Variants in NT5C1B observed in about 807,000 individuals in gnomAD.
NT5C1B encodes cytosolic 5'-nucleotidase 1B.
A neutral mutation model predicts 57.8 loss-of-function variants in NT5C1B; 44 were observed. The ratio of observed to expected loss-of-function variants is 0.76; its 90% confidence interval spans 0.60 to 0.98. The LOEUF is 0.98. NT5C1B is among the 50% of genes least tolerant of loss of function. The pLI, the probability that NT5C1B is intolerant of heterozygous loss-of-function variation, is 0.00. For synonymous variants in NT5C1B, 284 were observed against 282.6 expected (o/e 1.00, Z -0.05); for missense variants, 742 against 719.5 (o/e 1.03, Z -0.36).
chr2:18,584,470 C>CA lies in NT5C1B; in HGVS notation c.723+43dup. The CA allele has an allele frequency of 6.3e-7, 1 of 1,582,800 alleles. No homozygotes were observed. Among genetic ancestry groups the CA allele is most frequent in the Admixed American group, 1.8e-5 (1 of 56,142 alleles). ...AGAGGAGGGCGGCTGGAAGAGGCTG[C>CA]AAGGAAGGGCGCCCCGGCTGCCAGG... On this transcript the variant is annotated intron_variant, in intron 4 of 8. Coordinates refer to ENST00000304081, the Ensembl canonical transcript of NT5C1B. This position sits in a 1 kb window ranked among gnomAD's most constrained non-coding sequence, Gnocchi z 5.8.
At chr2:18,568,033 G>A (rs1219336933) in intron 8 of NT5C1B, among the ~76,000 whole-genome samples, 1 of 150,584 alleles carries the variant, frequency 6.6e-6, no homozygotes, top group African/African-American at 2.4e-5. Flanking sequence ...AAACTGAAAA[G>A]AGAAAGAGAA....
chr2:18,587,415 T>C (rs1270369212), intron 2 of NT5C1B, 88 bp downstream of exon 2: 2 of 1,567,620 alleles, frequency 1.3e-6, no homozygotes, highest in Non-Finnish European at 1.7e-6. Flanking sequence ...AGCTTGGTCT[T>C]CTCTCCCAGA....
intron 6 of NT5C1B, 59 bp downstream of exon 6, chr2:18,582,809 A>G (rs1282442081): frequency 5.1e-6 from 8 of 1,577,506 alleles, no homozygotes; most frequent in Non-Finnish European, 6.0e-6. Context: ...GCAAAATAAC[A>G]TGGCTTCTCT....
Position 18,576,843 on chromosome 2 carries a change from A to T in NT5C1B, c.1074T>A (p.Tyr358Ter). 6.2e-7 allele frequency: 1 copy of T among 1,613,946 alleles called. No individual in the cohort carries two copies. Among genetic ancestry groups the T allele is most frequent in the South Asian group, 1.1e-5 (1 of 91,080 alleles). ...ACAAGTTGGTAAGATATGCCTTCAA[A>T]TAGCCAATGGGGTCTTTTCCCCCGG... Residue 358 changes from tyrosine to a stop codon, truncating the protein, a stop_gained, in exon 7 of 9, where the codon TAT (tyrosine) becomes TAA (stop). Coordinates refer to ENST00000304081, the Ensembl canonical transcript of NT5C1B. LOFTEE classifies it high-confidence loss of function.
chr2:18,585,926 TC>T (rs1000956543), intron 3 of NT5C1B, among the ~76,000 whole-genome samples: 30 of 152,162 alleles, frequency 2.0e-4, no homozygotes, highest in Admixed American at 2.0e-4. Context: ...GGTGACTATT[TC>T]CTTCCCTCTT....
chr2:18,578,408 AG>A (rs999336249), intron 6 of NT5C1B, among the ~76,000 whole-genome samples: 3 of 152,172 alleles, frequency 2.0e-5, no homozygotes, highest in Non-Finnish European at 4.4e-5. Context: ...CACATCAAAA[AG>A]CTAGTCTACT....
chr2:18,585,185 A>G (rs759072551), intron 3 of NT5C1B: 1 of 798,506 alleles, frequency 1.3e-6, no homozygotes, highest in Non-Finnish European at 2.2e-6. Flanking sequence ...GTCTGCTTTC[A>G]TTCTCCCCTA....
intron 6 of NT5C1B, among the ~76,000 whole-genome samples, chr2:18,578,827 TAAA>T (rs1192558516): frequency 1.3e-5 from 2 of 152,114 alleles, no homozygotes; most frequent in African/African-American, 4.8e-5. Context: ...CAAAAGACAT[TAAA>T]ATAGAAAGAG....
intron 8 of NT5C1B, among the ~76,000 whole-genome samples, chr2:18,571,698 CTCTT>C (rs1665173010): frequency 5.0e-5 from 6 of 119,846 alleles, no homozygotes; most frequent in Non-Finnish European, 9.9e-5. Context: ...TACTCTCTCT[CTCTT>C]TCTCTCTGTG....
At chr2:18,582,818 C>G (rs1203410204) in intron 6 of NT5C1B, 50 bp downstream of exon 6, 5 of 1,588,146 alleles carry the variant, frequency 3.1e-6, no homozygotes, top group South Asian at 2.3e-5. Context: ...CATGGCTTCT[C>G]TCTTTCAGAG....
chr2:18,576,185 T>G, exon 8 of NT5C1B: 1 of 1,607,382 alleles, frequency 6.2e-7, no homozygotes. Context: ...TGAACCTACC[T>G]GAGCAAGAGG....
chr2:18,570,144 T>C (rs1291303344), intron 8 of NT5C1B, among the ~76,000 whole-genome samples: 2 of 151,948 alleles, frequency 1.3e-5, no homozygotes, highest in East Asian at 3.9e-4. Context: ...TTAAAAAATA[T>C]ATTTTGAATT....
rs542626008 is a variant in NT5C1B, at chr2:18,584,620, T to C, written c.617A>G (p.Glu206Gly). Residue 206 changes from glutamate (E) to glycine (G), a missense_variant, in exon 4 of 9, where the codon GAG becomes GGG. Coordinates refer to ENST00000304081, the Ensembl canonical transcript of NT5C1B. This position sits in a 1 kb window ranked among gnomAD's most constrained non-coding sequence, Gnocchi z 5.8. ...GTCCTCCCGCTGCTGCTGCTGCTGC[T>C]CGGACAGAGAGTTGCGGTCCAGCTG... is the stretch of plus-strand genomic sequence containing the variant. 4.3e-6 allele frequency: 7 copies of C among 1,612,900 alleles called. No homozygotes were observed. In the African/African-American group the frequency reaches 9.3e-5, roughly 22 times the overall value.
At chr2:18,571,718 GTATATATATATA>G (rs59799495) in intron 8 of NT5C1B, among the ~76,000 whole-genome samples, 11,518 of 110,818 alleles carry the variant, frequency 0.1, 757 homozygotes, top group Non-Finnish European at 0.13. Context: ...CTGTGTGTGT[GTATATATATATA>G]TATATATATA....
In NT5C1B at chr2:18,584,931, G is replaced by A. The variant is rs754300572; in HGVS notation, c.306C>T (p.Ser102=). ...GCGGCGGCGGTGAGGAGTCATGCAGGCTTGGGGAGGTGGATGGAGTCCGGG... is the reference window on the plus strand; with the variant it reads ...GCGGCGGCGGTGAGGAGTCATGCAGACTTGGGGAGGTGGATGGAGTCCGGG... The change falls in exon 4 of 9, where the codon AGC becomes AGT. Residue 102 remains serine (S), a synonymous_variant. Coordinates refer to ENST00000304081, the Ensembl canonical transcript of NT5C1B. This position sits in a 1 kb window ranked among gnomAD's most constrained non-coding sequence, Gnocchi z 5.8. 1.3e-6 allele frequency: 2 copies of A among 1,542,658 alleles called. No individual in the cohort carries two copies. Among genetic ancestry groups the A allele is most frequent in the African/African-American group, 1.4e-5 (1 of 73,674 alleles).
intron 7 of NT5C1B, among the ~76,000 whole-genome samples, 194 bp from the exon 8 acceptor site, chr2:18,576,562 T>C (rs1326963843): frequency 6.6e-6 from 1 of 152,170 alleles, no homozygotes; most frequent in East Asian, 1.9e-4. Flanking sequence ...GGATGGAACA[T>C]GTGAAATGGA....
Position 18,586,253 on chromosome 2 carries a change from C to T in NT5C1B, c.258+1G>A. On this transcript the variant is annotated splice_donor_variant, in intron 3 of 8. Transcript: ENST00000304081. LOFTEE classifies it high-confidence loss of function. ...CTACTCCCTTTCATCTTTACCTCTA[C>T]CTTAGCACTGGTGTTCCTGCTTCTA... is the stretch of plus-strand genomic sequence containing the variant. 1 of 1,613,830 alleles carries T rather than the reference C, an allele frequency of 6.2e-7. No individual in the cohort carries two copies. The highest frequency in any genetic ancestry group is 2.2e-5 in the East Asian group (1 of 44,878).
chr2:18,576,901 A>G lies in NT5C1B; in HGVS notation c.1022-6T>C, dbSNP rs748025522. 25 of 1,613,394 alleles carry G rather than the reference A, an allele frequency of 1.5e-5. No homozygotes were observed. The highest frequency in any genetic ancestry group is 1.9e-5 in the Non-Finnish European group (22 of 1,179,724). On this transcript the variant is annotated splice_region_variant and splice_polypyrimidine_tract_variant and intron_variant, in intron 6 of 8. Transcript: ENST00000304081. ...GAAGCGGTCAATCAGTAAGCCTATT[A>G]TCAGGCAAGAAAGACTTTGTTATGA...
chr2:18,586,803 C>T (rs2148182736), intron 2 of NT5C1B: 2 of 994,084 alleles, frequency 2.0e-6, no homozygotes, highest in South Asian at 1.7e-5. Context: ...TGGTGCCCCA[C>T]TGAGGTTGCA....
Sources: allele counts gnomAD v4.1 joint callset (sites outside exome capture counted in the v4.1 genomes callset), GRCh38; gene constraint gnomAD v4.1.1; non-coding constraint Gnocchi (gnomAD v3.1); transcripts MANE v1.5; gene names NCBI Gene and HGNC (gene_info 2026-07-23, HGNC 2026-07-21).